Variants in PTPRN2 observed in about 807,000 individuals in gnomAD.
The protein encoded by PTPRN2 is receptor-type tyrosine-protein phosphatase N2.
In PTPRN2, 74 loss-of-function variants were observed where a neutral mutation model predicts 118.8. The ratio of observed to expected loss-of-function variants is 0.62; its 90% confidence interval spans 0.52 to 0.76. PTPRN2 has a LOEUF of 0.76. Among genes scored for constraint, PTPRN2 ranks in the 30% least tolerant of loss-of-function variants. PTPRN2 has a pLI of 0.00. For synonymous variants in PTPRN2, 641 were observed against 608.0 expected, an observed-to-expected ratio of 1.05 and a Z score of -0.80; for missense variants, 1,481 against 1,394.4, an observed-to-expected ratio of 1.06 and a Z score of -0.99.
chr7:158,522,783 T>A (rs1024672695), intron 1 of PTPRN2, among the ~76,000 whole-genome samples: 1 of 152,180 alleles, frequency 6.6e-6, no homozygotes, highest in African/African-American at 2.4e-5. Flanking sequence ...CACGTGGACA[T>A]TGGCTTTCCT....
chr7:157,872,164 CCA>C (rs1022396815), intron 12 of PTPRN2, among the ~76,000 whole-genome samples: 1 of 143,882 alleles, frequency 7.0e-6, no homozygotes, highest in African/African-American at 2.6e-5. Flanking sequence ...CAGCGCCTCC[CCA>C]CACACACATA....
In PTPRN2 at chr7:157,548,311, G is replaced by T. The variant is rs571794164; in HGVS notation, c.2976+635C>A. Among the ~76,000 whole-genome samples the T allele has an allele frequency of 7.9e-4, 120 of 152,256 alleles. 1 individual carries two copies. Among genetic ancestry groups the T allele is most frequent in the African/African-American group, 2.7e-3 (114 of 41,534 alleles). ...TTACAAAGAACTTTCACAAAATCAC[G>T]TGATGGTCCTACCAGTTGCACAGAG... On this transcript the variant is annotated intron_variant, in intron 22 of 22. Coordinates refer to ENST00000389418, the MANE Select transcript of PTPRN2 (RefSeq NM_002847.5).
chr7:157,846,691 C>A (rs1253457011), intron 12 of PTPRN2, among the ~76,000 whole-genome samples: 1 of 152,040 alleles, frequency 6.6e-6, no homozygotes, highest in Non-Finnish European at 1.5e-5. Flanking sequence ...GTCTACAGAG[C>A]CCTCTCTCAC....
At chr7:158,265,128 C>T (rs990907705) in intron 3 of PTPRN2, among the ~76,000 whole-genome samples, 6 of 152,084 alleles carry the variant, frequency 3.9e-5, no homozygotes, top group Admixed American at 3.9e-4. Context: ...GTATGTGTTC[C>T]GCAGGCCCCT....
intron 12 of PTPRN2, among the ~76,000 whole-genome samples, chr7:157,822,608 TATCCATC>T (rs1252199973): frequency 6.6e-6 from 1 of 151,844 alleles, no homozygotes; most frequent in African/African-American, 2.4e-5. Flanking sequence ...AATCATCCAC[TATCCATC>T]ATCCATCTAC....
intron 2 of PTPRN2, among the ~76,000 whole-genome samples, chr7:158,379,864 G>A (rs1010326538): frequency 1.3e-5 from 2 of 152,130 alleles, no homozygotes; most frequent in African/African-American, 2.4e-5. Flanking sequence ...TGGCTGGGGG[G>A]GCCTCACAAT....
chr7:157,649,586 G>A lies in PTPRN2; in HGVS notation c.2196+6771C>T, dbSNP rs200162201. Among the ~76,000 whole-genome samples the A allele has an allele frequency of 1.2e-4, 11 of 88,548 alleles. 1 individual carries two copies. The highest frequency in any genetic ancestry group is 2.0e-4 in the Non-Finnish European group (8 of 39,236). The allele number at this position is 88,548 out of a possible 152,430, so 58.1% of individuals were successfully genotyped here. ...CAGCGTGCACTGAACTCGGTGGGTC[G>A]GACCCATTCACTGTGCACTGAACTC... On this transcript the variant is annotated intron_variant, in intron 14 of 22. Transcript: ENST00000389418.
intron 12 of PTPRN2, among the ~76,000 whole-genome samples, chr7:157,836,908 A>C (rs946679427): frequency 6.7e-6 from 1 of 149,628 alleles, no homozygotes; most frequent in East Asian, 2.0e-4. Context: ...CCATCTACCC[A>C]CCCACCCTGC....
At chr7:157,889,722 C>T (rs1480638443) in intron 12 of PTPRN2, among the ~76,000 whole-genome samples, 1 of 152,274 alleles carries the variant, frequency 6.6e-6, no homozygotes, top group African/African-American at 2.4e-5. Flanking sequence ...GCATAAATTC[C>T]TGTTCCCTTT....
chr7:157,810,068 G>A (rs2151113970), intron 12 of PTPRN2, among the ~76,000 whole-genome samples: 1 of 152,372 alleles, frequency 6.6e-6, no homozygotes, highest in East Asian at 1.9e-4. Context: ...AGAGGACAGG[G>A]GAGCTTCCCC....
intron 2 of PTPRN2, among the ~76,000 whole-genome samples, chr7:158,361,856 G>A (rs1245570658): frequency 6.6e-6 from 1 of 152,158 alleles, no homozygotes; most frequent in Non-Finnish European, 1.5e-5. Flanking sequence ...GCACTGCCCA[G>A]TCCTCACTGT....
At chr7:158,113,749 C>A (rs1816486940) in intron 9 of PTPRN2, among the ~76,000 whole-genome samples, 1 of 151,570 alleles carries the variant, frequency 6.6e-6, no homozygotes, top group Non-Finnish European at 1.5e-5. Flanking sequence ...GCACCTGCAA[C>A]AAGAAAGCCA....
intron 6 of PTPRN2, among the ~76,000 whole-genome samples, chr7:158,149,617 A>G (rs1184484538): frequency 6.6e-6 from 1 of 152,140 alleles, no homozygotes; most frequent in African/African-American, 2.4e-5. Flanking sequence ...AGCCTGGCCA[A>G]CATGGTGGAA....
At chr7:157,754,777 T>C (rs1181024769) in intron 12 of PTPRN2, among the ~76,000 whole-genome samples, 1 of 152,226 alleles carries the variant, frequency 6.6e-6, no homozygotes, top group Non-Finnish European at 1.5e-5. Context: ...GTTGGTCATT[T>C]CAGGTAAAAG....
chr7:158,077,724 C>T (rs1040136770), intron 11 of PTPRN2, among the ~76,000 whole-genome samples: 2 of 152,242 alleles, frequency 1.3e-5, no homozygotes, highest in South Asian at 2.1e-4. Context: ...CACAGGCCAC[C>T]GGGTGAGGGT....
chr7:158,058,378 C>T (rs1485375762), intron 11 of PTPRN2, among the ~76,000 whole-genome samples: 1 of 143,194 alleles, frequency 7.0e-6, no homozygotes, highest in Non-Finnish European at 1.5e-5. Context: ...ATCACTGCAG[C>T]CACACTCCAT....
rs1314561090 is a variant in PTPRN2 at position 157,609,659 on chromosome 7, T to TCAGTGTTC, written c.2345-5592_2345-5585dup. On this transcript the variant is annotated intron_variant, in intron 15 of 22. Coordinates refer to ENST00000389418, the MANE Select transcript of PTPRN2 (RefSeq NM_002847.5). The surrounding 1 kb of genome is among the most constrained non-coding windows in gnomAD (Gnocchi z 4.9). ...CAGCGGGCGATCCTGGGTAAACTGTTCAGTGTTCGGAGAATGCAGGATGAT... is the reference window on the plus strand; with the variant it reads ...CAGCGGGCGATCCTGGGTAAACTGTTCAGTGTTCCAGTGTTCGGAGAATGCAGGATGAT... 9.9e-5 allele frequency among the ~76,000 whole-genome samples: 15 copies of TCAGTGTTC among 152,132 alleles called. No homozygotes were observed. The highest frequency in any genetic ancestry group is 1.6e-4 in the Non-Finnish European group (11 of 68,038).
intron 21 of PTPRN2, among the ~76,000 whole-genome samples, chr7:157,555,221 T>C (rs1455991147): frequency 2.6e-5 from 4 of 152,224 alleles, no homozygotes; most frequent in African/African-American, 9.6e-5. Context: ...TCAGGGCTCA[T>C]TGGGTTAAAA....
intron 14 of PTPRN2, among the ~76,000 whole-genome samples, 157 bp downstream of exon 14, chr7:157,656,200 C>T (rs1040397675): frequency 6.6e-6 from 1 of 151,716 alleles, no homozygotes; most frequent in Non-Finnish European, 1.5e-5. Flanking sequence ...AGACTCCCTG[C>T]AGAAAGAGCC....
Sources: allele counts gnomAD v4.1 joint callset (sites outside exome capture counted in the v4.1 genomes callset), GRCh38; gene constraint gnomAD v4.1.1; non-coding constraint Gnocchi (gnomAD v3.1); transcripts MANE v1.5; gene names NCBI Gene and HGNC (gene_info 2026-07-23, HGNC 2026-07-21).